Variants in KDM4B observed in about 807,000 individuals in gnomAD.
KDM4B encodes lysine-specific demethylase 4B.
In KDM4B, 32 loss-of-function variants were observed where a neutral mutation model predicts 125.2. The observed-to-expected ratio is 0.26, with a 90% CI of 0.19 to 0.34. The LOEUF (loss-of-function observed/expected upper bound fraction) is 0.34. KDM4B is among the 10% of genes least tolerant of loss of function. The probability of loss-of-function intolerance (pLI) is 1.00; values close to 1 mark genes in which losing one functional copy is unlikely to be tolerated. For synonymous variants in KDM4B, 721 were observed against 677.9 expected (o/e 1.06, Z -0.99); for missense variants, 1,190 against 1,577.7 (o/e 0.75, Z 4.16).
intron 2 of KDM4B, among the ~76,000 whole-genome samples, chr19:5,018,335 A>G (rs960954828): frequency 6.6e-6 from 1 of 152,164 alleles, no homozygotes; most frequent in African/African-American, 2.4e-5. Flanking sequence ...GCCGAAGTTC[A>G]CCACATAGCC....
At chr19:5,060,463 AGG>A (rs373975085) in intron 6 of KDM4B, among the ~76,000 whole-genome samples, 3 of 57,570 alleles carry the variant, frequency 5.2e-5, no homozygotes, top group Admixed American at 2.1e-4. Context: ...AAAAAAAAAA[AGG>A]GAGCCATGAT....
At chr19:5,103,420 T>C (rs1422942493) in intron 9 of KDM4B, among the ~76,000 whole-genome samples, 1 of 152,212 alleles carries the variant, frequency 6.6e-6, no homozygotes, top group East Asian at 1.9e-4. Flanking sequence ...CGCTTTCTCA[T>C]TTTCCTGGGA....
chr19:4,989,942 G>A (rs1166004601), intron 1 of KDM4B, among the ~76,000 whole-genome samples: 1 of 152,076 alleles, frequency 6.6e-6, no homozygotes, highest in Non-Finnish European at 1.5e-5. Flanking sequence ...CGTGAGCCAC[G>A]GTGTCTGACT....
intron 8 of KDM4B, among the ~76,000 whole-genome samples, chr19:5,079,971 C>T (rs72991707): frequency 0.092 from 14,033 of 152,238 alleles, 863 homozygotes; most frequent in Admixed American, 0.15. Flanking sequence ...GAGAACCCCA[C>T]GTCCTGCACA....
chr19:5,068,930 G>A (rs1206943615), intron 6 of KDM4B, among the ~76,000 whole-genome samples: 1 of 152,234 alleles, frequency 6.6e-6, no homozygotes, highest in Non-Finnish European at 1.5e-5. Flanking sequence ...GTAGGCTGGG[G>A]ATACGGCATT....
chr19:5,084,413 C>A (rs2038406761), intron 9 of KDM4B, among the ~76,000 whole-genome samples: 2 of 133,084 alleles, frequency 1.5e-5, no homozygotes, highest in South Asian at 2.3e-4. Flanking sequence ...ATATAAATTA[C>A]ATAATTTATA....
rs372609516 is a variant in KDM4B, at chr19:5,125,059, C to T, written c.1315+5207C>T. Among the ~76,000 whole-genome samples, 30 of 151,852 alleles carry T rather than the reference C, an allele frequency of 2.0e-4. No individual in the cohort carries two copies. The South Asian group carries it at 3.3e-3, about 17-fold the overall frequency. ...GGACTGTGGACGTGCACCGCAACTC[C>T]GCTCATTTTTCAAAATTTTTAGTAG... On this transcript the variant is annotated intron_variant, in intron 11 of 22. Coordinates refer to ENST00000159111, the MANE Select transcript of KDM4B (RefSeq NM_015015.3).
intron 2 of KDM4B, among the ~76,000 whole-genome samples, chr19:5,028,790 T>G (rs900788659): frequency 1.3e-5 from 2 of 152,156 alleles, no homozygotes; most frequent in African/African-American, 4.8e-5. Context: ...AGGTGGTGGC[T>G]CATTGTGGTT....
chr19:5,091,078 G>C (rs550484539), intron 9 of KDM4B, among the ~76,000 whole-genome samples: 1 of 152,204 alleles, frequency 6.6e-6, no homozygotes, highest in Admixed American at 6.5e-5. Flanking sequence ...AAATGTGCAC[G>C]CAGCCGCCTT....
chr19:5,110,859 C>G, intron 10 of KDM4B, 41 bp downstream of exon 10: 2 of 1,487,218 alleles, frequency 1.3e-6, no homozygotes, highest in Non-Finnish European at 1.8e-6. Flanking sequence ...CCCAGCATCA[C>G]GGGGGGTGGC....
chr19:5,004,803 C>T (rs908925054), intron 1 of KDM4B, among the ~76,000 whole-genome samples: 10 of 152,130 alleles, frequency 6.6e-5, no homozygotes, highest in Non-Finnish European at 1.3e-4. Flanking sequence ...TGCTCCCCTC[C>T]GGAATACACT....
chr19:5,101,277 T>G (rs910930601), intron 9 of KDM4B, among the ~76,000 whole-genome samples: 8 of 150,934 alleles, frequency 5.3e-5, no homozygotes, highest in African/African-American at 9.7e-5. Context: ...AGGTTTTTGT[T>G]TTTTTTTTGA....
intron 2 of KDM4B, among the ~76,000 whole-genome samples, chr19:5,021,973 T>A (rs973242881): frequency 6.6e-6 from 1 of 152,198 alleles, no homozygotes; most frequent in Non-Finnish European, 1.5e-5. Context: ...ATTTTTTGTT[T>A]GCCTCTGTCT....
At position 5,078,860 on chromosome 19, in the gene KDM4B, C is replaced by G. The variant is rs1278427553; in HGVS notation, c.780+1390C>G. ...CGGCTGCGCTCCCCAACACCGCCAGCTGGTTGCTGGGGCCGGGCGCCAGTT... is the reference window on the plus strand; with the variant it reads ...CGGCTGCGCTCCCCAACACCGCCAGGTGGTTGCTGGGGCCGGGCGCCAGTT... On this transcript the variant is annotated intron_variant, in intron 8 of 22. Transcript: ENST00000159111. The surrounding 1 kb of genome is among the most constrained non-coding windows in gnomAD (Gnocchi z 4.5). 1 of 152,234 alleles carries G rather than the reference C, an allele frequency of 6.6e-6. No individual in the cohort carries two copies. Among genetic ancestry groups the G allele is most frequent in the East Asian group, 1.9e-4 (1 of 5,156 alleles). The allele number at this position is 152,234 out of a possible 1,614,324, so 9.4% of individuals were successfully genotyped here. A position where few individuals can be genotyped will look rare whatever the true frequency, so the allele number is the denominator to read the frequency against.
At position 5,064,460 on chromosome 19, in the gene KDM4B, C is replaced by T. The variant is rs377658479; in HGVS notation, c.627-6550C>T. The stretch of plus-strand genomic sequence containing the variant: ...TCTGCTCTTGGCACACATTCCTCGG[C>T]GGCGGGGGTGGGGGGTAGGGAGGAG... On this transcript the variant is annotated intron_variant, in intron 6 of 22. Coordinates refer to ENST00000159111, the MANE Select transcript of KDM4B (RefSeq NM_015015.3). 4.5e-4 allele frequency among the ~76,000 whole-genome samples: 32 copies of T among 71,558 alleles called. No homozygotes were observed. In the East Asian group the frequency reaches 7.2e-3, roughly 16 times the overall value. The allele number at this position is 71,558 out of a possible 152,430, so 46.9% of individuals were successfully genotyped here.
At position 5,039,888 on chromosome 19, in the gene KDM4B, A is replaced by G; in HGVS notation, c.194A>G (p.Asp65Gly). 6.2e-7 allele frequency: 1 copy of G among 1,612,940 alleles called. No homozygotes were observed. The highest frequency in any genetic ancestry group is 8.5e-7 in the Non-Finnish European group (1 of 1,179,894). The change falls in exon 4 of 23, where the codon GAC becomes GGC. Residue 65 changes from aspartate to glycine, a missense_variant. This residue lies in a region of KDM4B where 139 missense variants were observed against 248.3 expected (regional missense o/e 0.56). Transcript: ENST00000159111. Reference protein sequence around the residue: ...KPRQTYDDIDDVVIPAPIQQV... With the variant: ...KPRQTYDDIDGVVIPAPIQQV... ...CGGCAGACGTATGATGACATCGACG[A>G]CGTGGTGATCCCGGCGCCCATCCAG...
At chr19:5,095,259 G>A (rs997561917) in intron 9 of KDM4B, among the ~76,000 whole-genome samples, 1 of 152,178 alleles carries the variant, frequency 6.6e-6, no homozygotes, top group Non-Finnish European at 1.5e-5. Context: ...TGCAGCTGAC[G>A]AGAGCATTCA....
At chr19:5,022,897 TA>T (rs2036167819) in intron 2 of KDM4B, among the ~76,000 whole-genome samples, 2 of 151,932 alleles carry the variant, frequency 1.3e-5, no homozygotes. Context: ...TTTTTATGGG[TA>T]CAAGGTATGC....
rs1439136571 is a variant in KDM4B at position 5,142,941 on chromosome 19, A to C, written c.2551-1026A>C. ...CCAGGGCCCCGGTGCTGGCTCGGGC[A>C]GGTGTTGCAGCGGGAGCCTCAAGGG... is the stretch of plus-strand genomic sequence containing the variant. On this transcript the variant is annotated intron_variant, in intron 18 of 22. Transcript: ENST00000159111. The surrounding 1 kb of genome is among the most constrained non-coding windows in gnomAD (Gnocchi z 5.4). 6.6e-6 allele frequency among the ~76,000 whole-genome samples: 1 copy of C among 152,014 alleles called. No individual in the cohort carries two copies. Among genetic ancestry groups the C allele is most frequent in the Admixed American group, 6.5e-5 (1 of 15,268 alleles).
Sources: gnomAD v4.1 joint callset for allele counts (sites outside exome capture counted in the v4.1 genomes callset) on GRCh38, gnomAD v4.1.1 for gene constraint, gnomAD v4.1.1 regional missense constraint, Gnocchi (gnomAD v3.1) non-coding constraint, MANE v1.5 for transcripts, NCBI Gene and HGNC (gene_info 2026-07-23, HGNC 2026-07-21) for gene names.